EPHB1: variants seen among roughly 807,000 people sequenced by gnomAD.
EPHB1 encodes EPH receptor B1, also known as ephrin type-B receptor 1.
A neutral mutation model predicts 94.4 loss-of-function variants in EPHB1; 30 were observed. That is an observed-to-expected ratio of 0.32 (90% CI 0.24 to 0.43). The LOEUF (loss-of-function observed/expected upper bound fraction) is 0.43, where lower values mean the gene tolerates loss of function less well. Ranked by LOEUF, EPHB1 falls within the 20% of genes least tolerant of loss-of-function variation. EPHB1 has a pLI of 1.00. For synonymous variants in EPHB1, 522 were observed against 489.1 expected (o/e 1.07, Z -0.89); for missense variants, 1,055 against 1,308.3 (o/e 0.81, Z 2.99).
intron 3 of EPHB1, among the ~76,000 whole-genome samples, chr3:135,077,568 T>G (rs1279946233): frequency 1.3e-5 from 2 of 152,074 alleles, no homozygotes; most frequent in African/African-American, 4.8e-5. Flanking sequence ...GTCTCAAACC[T>G]AGGTAGGAGG....
chr3:134,817,876 C>T (rs76737664), intron 1 of EPHB1, among the ~76,000 whole-genome samples: 1 of 152,220 alleles, frequency 6.6e-6, no homozygotes, highest in Non-Finnish European at 1.5e-5. Context: ...CAAGCCCCTG[C>T]CCAGAGGGGG....
intron 3 of EPHB1, among the ~76,000 whole-genome samples, chr3:134,968,339 A>G (rs1933840658): frequency 1.3e-5 from 2 of 152,226 alleles, no homozygotes; most frequent in Non-Finnish European, 2.9e-5. Context: ...TGGGTGAACC[A>G]TATATGAATT....
intron 1 of EPHB1, among the ~76,000 whole-genome samples, chr3:134,902,753 G>T (rs563507709): frequency 6.6e-6 from 1 of 152,066 alleles, no homozygotes; most frequent in East Asian, 1.9e-4. Context: ...TTAGCTCTTC[G>T]TGTGGCTGAT....
At chr3:134,911,127 C>G (rs2038443517) in intron 1 of EPHB1, among the ~76,000 whole-genome samples, 1 of 152,224 alleles carries the variant, frequency 6.6e-6, no homozygotes, top group Non-Finnish European at 1.5e-5. Context: ...AGCCTTTGAA[C>G]TCCTGGGCCT....
At chr3:135,154,489 C>T in intron 6 of EPHB1, 1 of 547,728 alleles carries the variant, frequency 1.8e-6, no homozygotes, top group Non-Finnish European at 3.1e-6. Flanking sequence ...AGGAGAGAAA[C>T]TTCCAGTCCA....
At chr3:134,857,731 C>T (rs1396362873) in intron 1 of EPHB1, among the ~76,000 whole-genome samples, 1 of 152,146 alleles carries the variant, frequency 6.6e-6, no homozygotes, top group Non-Finnish European at 1.5e-5. Flanking sequence ...CAGATGAAGG[C>T]ACAGCCCACT....
At chr3:135,114,568 A>G (rs13087459) in intron 4 of EPHB1, among the ~76,000 whole-genome samples, 2 of 125,212 alleles carry the variant, frequency 1.6e-5, no homozygotes, top group East Asian at 4.5e-4. Context: ...AAAAAAAAAT[A>G]CAAAAATTAG....
chr3:134,856,190 G>A (rs1256454638), intron 1 of EPHB1, among the ~76,000 whole-genome samples: 2 of 152,202 alleles, frequency 1.3e-5, no homozygotes, highest in South Asian at 2.1e-4. Context: ...GGTGTCATGG[G>A]CTTTGAGACG....
At chr3:135,020,934 G>A (rs1297567324) in intron 3 of EPHB1, among the ~76,000 whole-genome samples, 13 of 151,928 alleles carry the variant, frequency 8.6e-5, no homozygotes, top group Admixed American at 1.3e-4. Context: ...GTCAATTGAC[G>A]TAGTGTATTT....
At chr3:135,151,804 C>T (rs991761701) in intron 5 of EPHB1, among the ~76,000 whole-genome samples, 13 of 152,024 alleles carry the variant, frequency 8.6e-5, no homozygotes, top group African/African-American at 2.2e-4. Flanking sequence ...AATTTAACAC[C>T]GTAAAGGTTG....
chr3:134,908,272 A>G (rs1006092996), intron 1 of EPHB1, among the ~76,000 whole-genome samples: 3 of 152,214 alleles, frequency 2.0e-5, no homozygotes, highest in Non-Finnish European at 4.4e-5. Flanking sequence ...AACATTCCCA[A>G]CAAACATGAG....
intron 3 of EPHB1, among the ~76,000 whole-genome samples, chr3:135,019,139 A>C (rs1576320939): frequency 6.6e-6 from 1 of 151,910 alleles, no homozygotes. Context: ...CATACCTCAG[A>C]CCCCGAGCCT....
chr3:135,161,256 C>A (rs1382396694), intron 6 of EPHB1, among the ~76,000 whole-genome samples: 1 of 152,092 alleles, frequency 6.6e-6, no homozygotes, highest in African/African-American at 2.4e-5. Context: ...GAGGTCAGCA[C>A]AGAAAGTGCT....
chr3:134,943,792 G>T (rs1190386445), intron 2 of EPHB1, among the ~76,000 whole-genome samples: 1 of 152,134 alleles, frequency 6.6e-6, no homozygotes, highest in Admixed American at 6.5e-5. Flanking sequence ...GGATAAAGGG[G>T]TAAGAAGGTC....
chr3:134,925,871 T>C lies in EPHB1; in HGVS notation c.114T>C (p.Pro38=). 1.2e-6 allele frequency: 2 copies of C among 1,604,262 alleles called. No homozygotes were observed. The highest frequency in any genetic ancestry group is 1.7e-6 in the Non-Finnish European group (2 of 1,175,066). The change falls in exon 2 of 16, where the codon CCT becomes CCC. Residue 38 remains proline, a synonymous_variant. Transcript: ENST00000398015. ...CAGAGCTGGGCTGGACGGCCAATCCTGCGTCCGGGGTGAGTATCAAACCAT... is the reference window on the plus strand; with the variant it reads ...CAGAGCTGGGCTGGACGGCCAATCCCGCGTCCGGGGTGAGTATCAAACCAT... ...ATAELGWTAN[P]ASGWEEVSGY...
At chr3:135,059,826 C>T (rs552492266) in intron 3 of EPHB1, among the ~76,000 whole-genome samples, 2 of 152,164 alleles carry the variant, frequency 1.3e-5, no homozygotes, top group Non-Finnish European at 2.9e-5. Context: ...ACCACTAATG[C>T]GTGACCTTTG....
intron 1 of EPHB1, among the ~76,000 whole-genome samples, chr3:134,911,951 T>C (rs1405437575): frequency 2.0e-5 from 3 of 152,186 alleles, no homozygotes; most frequent in Non-Finnish European, 2.9e-5. Flanking sequence ...CACAGCTCAG[T>C]GCCTGTGCCA....
intron 1 of EPHB1, among the ~76,000 whole-genome samples, chr3:134,863,893 A>G (rs775062523): frequency 6.6e-6 from 1 of 152,192 alleles, no homozygotes; most frequent in Non-Finnish European, 1.5e-5. Context: ...AGCAGATAAT[A>G]AAAGTGGGAA....
intron 1 of EPHB1, among the ~76,000 whole-genome samples, chr3:134,845,320 T>C (rs59385581): frequency 0.094 from 14,325 of 152,320 alleles, 838 homozygotes; most frequent in South Asian, 0.25. Flanking sequence ...TTGATGAAGA[T>C]AATATGCCTT....
Sources: gnomAD v4.1 joint callset for allele counts (sites outside exome capture counted in the v4.1 genomes callset) on GRCh38, gnomAD v4.1.1 for gene constraint, MANE v1.5 for transcripts, NCBI Gene and HGNC (gene_info 2026-07-23, HGNC 2026-07-21) for gene names.